TM2D1: variants seen among roughly 807,000 people sequenced by gnomAD.
TM2D1 encodes the protein TM2 domain-containing protein 1.
TM2D1 carries 15 observed loss-of-function variants against 28.4 expected under a neutral mutation model. The observed-to-expected ratio is 0.53, with a 90% CI of 0.35 to 0.81. The LOEUF (loss-of-function observed/expected upper bound fraction) is 0.81, where lower values mean the gene tolerates loss of function less well. TM2D1 is among the 40% of genes least tolerant of loss of function. TM2D1 has a pLI of 0.01. For synonymous variants in TM2D1, 93 were observed against 96.2 expected (o/e 0.97, Z 0.20); for missense variants, 236 against 254.9 (o/e 0.93, Z 0.50).
intron 2 of TM2D1, among the ~76,000 whole-genome samples, chr1:61,720,377 G>T: frequency 6.6e-6 from 1 of 152,068 alleles, no homozygotes; most frequent in East Asian, 1.9e-4. Flanking sequence ...AAGTTGCTGG[G>T]ACTACAGGCA....
At chr1:61,720,640 A>C (rs1268751632) in intron 2 of TM2D1, among the ~76,000 whole-genome samples, 4 of 152,170 alleles carry the variant, frequency 2.6e-5, no homozygotes, top group Admixed American at 6.6e-5. Context: ...TTAATAAATA[A>C]ATATAAATAA....
chr1:61,711,019 CT>C (rs1236368946), intron 2 of TM2D1, among the ~76,000 whole-genome samples: 2 of 152,072 alleles, frequency 1.3e-5, no homozygotes, highest in African/African-American at 4.8e-5. Flanking sequence ...TTCAATAAAA[CT>C]GAGAACCATT....
intron 2 of TM2D1, among the ~76,000 whole-genome samples, chr1:61,715,057 A>T (rs531741737): frequency 4.1e-4 from 62 of 152,296 alleles, no homozygotes; most frequent in Non-Finnish European, 7.4e-4. Flanking sequence ...CCACATTGCA[A>T]TGATTCAAGA....
chr1:61,709,680 C>T (rs533781814), intron 2 of TM2D1, among the ~76,000 whole-genome samples: 1 of 152,090 alleles, frequency 6.6e-6, no homozygotes, highest in African/African-American at 2.4e-5. Flanking sequence ...AGATGCATGG[C>T]CAATCTATAA....
At chr1:61,716,610 AAG>A (rs907562506) in intron 2 of TM2D1, among the ~76,000 whole-genome samples, 5 of 147,974 alleles carry the variant, frequency 3.4e-5, no homozygotes, top group African/African-American at 1.2e-4. Flanking sequence ...CACACACAAA[AAG>A]AGAGTTAGAT....
chr1:61,698,509 G>T (rs1165501052), intron 4 of TM2D1: 2 of 147,590 alleles, frequency 1.4e-5, no homozygotes, highest in African/African-American at 5.1e-5. Flanking sequence ...GGTGAGCCAA[G>T]ATCGCACCAT....
At chr1:61,714,662 C>T (rs1162671657) in intron 2 of TM2D1, among the ~76,000 whole-genome samples, 1 of 152,198 alleles carries the variant, frequency 6.6e-6, no homozygotes. Context: ...TTAAGAGACC[C>T]TCCCGCCTCA....
At chr1:61,709,549 GAC>G (rs1644463171) in intron 2 of TM2D1, 112 bp from the exon 3 acceptor site, 2 of 703,400 alleles carry the variant, frequency 2.8e-6, no homozygotes, top group East Asian at 5.9e-5. Context: ...AATATAACAT[GAC>G]ACAAGCCTTT....
At chr1:61,709,554 A>G in intron 2 of TM2D1, 117 bp from the exon 3 acceptor site, 1 of 692,902 alleles carries the variant, frequency 1.4e-6, no homozygotes, top group Non-Finnish European at 2.5e-6. Flanking sequence ...AACATGACAC[A>G]AGCCTTTAAT....
At chr1:61,684,860 C>G (rs916877324) in intron 5 of TM2D1, among the ~76,000 whole-genome samples, 1 of 152,192 alleles carries the variant, frequency 6.6e-6, no homozygotes, top group Admixed American at 6.5e-5. Context: ...CTCACTGCAA[C>G]CTCCCCCCCG....
chr1:61,700,259 G>C (rs902574653), intron 4 of TM2D1: 1 of 1,504,620 alleles, frequency 6.6e-7, no homozygotes, highest in Non-Finnish European at 8.8e-7. Flanking sequence ...AACCTCTCTG[G>C]TGACAGTTTC....
At chr1:61,702,300 C>T (rs1164814612) in intron 3 of TM2D1, among the ~76,000 whole-genome samples, 3 of 151,648 alleles carry the variant, frequency 2.0e-5, no homozygotes, top group African/African-American at 7.3e-5. Flanking sequence ...GAAAAAGAAA[C>T]AAATGCAATT....
intron 3 of TM2D1, among the ~76,000 whole-genome samples, chr1:61,707,054 A>G (rs1205360251): frequency 6.6e-6 from 1 of 152,110 alleles, no homozygotes; most frequent in East Asian, 1.9e-4. Flanking sequence ...CAGAAGTTTG[A>G]GACCAGCCTG....
chr1:61,716,159 GA>G (rs530179788), intron 2 of TM2D1, among the ~76,000 whole-genome samples: 6 of 146,592 alleles, frequency 4.1e-5, no homozygotes, highest in Admixed American at 6.9e-5. Flanking sequence ...TGTCTCTAAA[GA>G]AAAAAAAAAT....
rs1457329187 is a variant in TM2D1, at chr1:61,694,608, C to T, written c.513+89G>A. The T allele has an allele frequency of 1.3e-5, 11 of 844,184 alleles. No homozygotes were observed. In the Middle Eastern group the frequency reaches 9.6e-4, roughly 74 times the overall value. 52.3% of individuals were successfully genotyped at this position (844,184 alleles called of 1,614,324 possible). A position where few individuals can be genotyped will look rare whatever the true frequency, so the allele number is the denominator to read the frequency against. On this transcript the variant is annotated intron_variant, in intron 5 of 6. Transcript: ENST00000606498. The stretch of plus-strand genomic sequence containing the variant: ...AAACAACCATTCTTCTCTGCTTCCT[C>T]GTATACTAAACATTTTAAATAGAAC...
intron 3 of TM2D1, among the ~76,000 whole-genome samples, chr1:61,707,554 AT>A (rs1305745689): frequency 2.0e-5 from 3 of 152,140 alleles, no homozygotes; most frequent in African/African-American, 7.2e-5. Flanking sequence ...ACTAAACCCT[AT>A]TTTTTAAACT....
chr1:61,709,244 C>A, intron 3 of TM2D1, 85 bp downstream of exon 3: 2 of 778,458 alleles, frequency 2.6e-6, no homozygotes, highest in Non-Finnish European at 2.2e-6. Flanking sequence ...CAGGATAGTC[C>A]CCATAAATTA....
At chr1:61,715,103 A>G (rs187039919) in intron 2 of TM2D1, among the ~76,000 whole-genome samples, 5 of 152,312 alleles carry the variant, frequency 3.3e-5, no homozygotes, top group Admixed American at 2.6e-4. Context: ...ATTTCAAGGG[A>G]TGAAAATTAT....
intron 5 of TM2D1, 135 bp downstream of exon 5, chr1:61,694,562 C>G: frequency 1.8e-6 from 1 of 546,634 alleles, no homozygotes; most frequent in Middle Eastern, 4.6e-4. Context: ...TTCCTTAGAT[C>G]TAGTACATGA....
Sources: gnomAD v4.1 joint callset for allele counts (sites outside exome capture counted in the v4.1 genomes callset) on GRCh38, gnomAD v4.1.1 for gene constraint, MANE v1.5 for transcripts, NCBI Gene and HGNC (gene_info 2026-07-23, HGNC 2026-07-21) for gene names.